The following HUNK variants were observed in gnomAD, a reference collection of about 807,000 sequenced individuals.
HUNK encodes the protein hormonally up-regulated Neu-associated kinase, also known as hormonally up-regulated neu tumor-associated kinase.
In HUNK, 21 loss-of-function variants were observed where a neutral mutation model predicts 61.0. The observed-to-expected ratio is 0.34, with a 90% CI of 0.24 to 0.50. The LOEUF is 0.50. HUNK is among the 20% of genes least tolerant of loss of function. The pLI, the probability that HUNK is intolerant of heterozygous loss-of-function variation, is 0.98. For synonymous variants in HUNK, 371 were observed against 386.1 expected (o/e 0.96, Z 0.46); for missense variants, 772 against 945.7 (o/e 0.82, Z 2.41).
chr21:31,885,687 C>G (rs192027405), intron 1 of HUNK, among the ~76,000 whole-genome samples: 199 of 152,258 alleles, frequency 1.3e-3, no homozygotes, highest in Admixed American at 2.8e-3. Flanking sequence ...CTCTTTACAT[C>G]GTCTGCCCTC....
In HUNK at chr21:31,893,272, G is replaced by T. The variant is rs549893371; in HGVS notation, c.261+19337G>T. 2.6e-5 allele frequency among the ~76,000 whole-genome samples: 4 copies of T among 152,138 alleles called. 1 individual carries two copies. The highest frequency in any genetic ancestry group is 2.0e-4 in the Admixed American group (3 of 15,266). ...GGGAGGATGAGGGGAAGGAATGTAC[G>T]GTGGTGAATAAAGCTTGTCTTGTTA... On this transcript the variant is annotated intron_variant, in intron 1 of 10. Coordinates refer to ENST00000270112, the MANE Select transcript of HUNK (RefSeq NM_014586.2).
intron 1 of HUNK, among the ~76,000 whole-genome samples, chr21:31,916,272 G>A (rs1261283433): frequency 2.0e-5 from 3 of 151,704 alleles, no homozygotes; most frequent in Non-Finnish European, 2.9e-5. Flanking sequence ...GGATGGTCTC[G>A]ATCTGCTGGC....
At chr21:31,986,163 G>T (rs2053131291) in intron 8 of HUNK, among the ~76,000 whole-genome samples, 1 of 151,864 alleles carries the variant, frequency 6.6e-6, no homozygotes, top group Non-Finnish European at 1.5e-5. Context: ...ATGAATGAAG[G>T]GGTCTTGAAT....
chr21:31,880,590 C>A (rs1243099953), intron 1 of HUNK, among the ~76,000 whole-genome samples: 1 of 152,174 alleles, frequency 6.6e-6, no homozygotes, highest in Non-Finnish European at 1.5e-5. Context: ...TCCTATGTCT[C>A]TTTATAAGGA....
chr21:31,986,363 C>T (rs2053133040), intron 8 of HUNK, among the ~76,000 whole-genome samples: 1 of 152,110 alleles, frequency 6.6e-6, no homozygotes, highest in Non-Finnish European at 1.5e-5. Flanking sequence ...CCCCTGCACT[C>T]TCTCTGTCTC....
intron 3 of HUNK, among the ~76,000 whole-genome samples, chr21:31,945,406 A>T (rs1372217553): frequency 6.6e-6 from 1 of 152,296 alleles, no homozygotes; most frequent in South Asian, 2.1e-4. Context: ...TTGCATTGCC[A>T]TCTTTCTGGT....
chr21:31,955,307 C>G (rs535558436), intron 4 of HUNK, among the ~76,000 whole-genome samples: 36 of 10,090 alleles, frequency 3.6e-3, no homozygotes, highest in African/African-American at 0.015. Context: ...AATACCAAAG[C>G]AGGGCCGGGC....
At chr21:31,962,213 C>A (rs1217825208) in intron 5 of HUNK, among the ~76,000 whole-genome samples, 1 of 152,188 alleles carries the variant, frequency 6.6e-6, no homozygotes, top group African/African-American at 2.4e-5. Context: ...GGCAGTGCAA[C>A]CTTACCATGT....
chr21:31,901,014 C>T (rs55793628), intron 1 of HUNK, among the ~76,000 whole-genome samples: 15,422 of 152,150 alleles, frequency 0.1, 1,691 homozygotes, highest in African/African-American at 0.28. Context: ...ACTGGCAGCA[C>T]GACTCCAGCC....
chr21:31,893,958 T>C (rs1672242645), intron 1 of HUNK, among the ~76,000 whole-genome samples: 1 of 152,216 alleles, frequency 6.6e-6, no homozygotes. Flanking sequence ...GGGTTGAGAA[T>C]TTTGTCTTGG....
intron 1 of HUNK, among the ~76,000 whole-genome samples, chr21:31,920,487 A>G (rs143702336): frequency 3.2e-4 from 49 of 152,294 alleles, no homozygotes; most frequent in African/African-American, 1.2e-3. Context: ...CAGAGGGTGT[A>G]ATTTTTTAGA....
At chr21:31,927,396 C>T (rs925544658) in intron 2 of HUNK, among the ~76,000 whole-genome samples, 21 of 151,952 alleles carry the variant, frequency 1.4e-4, no homozygotes, top group African/African-American at 4.1e-4. Context: ...GCAATTCCAG[C>T]ACTTTGGGAG....
chr21:31,893,798 C>T (rs1269107575), intron 1 of HUNK, among the ~76,000 whole-genome samples: 1 of 152,334 alleles, frequency 6.6e-6, no homozygotes, highest in Middle Eastern at 3.4e-3. Context: ...TGCCTCAACA[C>T]TCAGGAAAAC....
chr21:31,929,756 G>C (rs906961951), intron 2 of HUNK, among the ~76,000 whole-genome samples: 2 of 152,224 alleles, frequency 1.3e-5, no homozygotes, highest in African/African-American at 4.8e-5. Context: ...TGTCAACACC[G>C]TGGCTCCCAG....
Position 31,940,220 on chromosome 21 carries a change from G to C in HUNK, c.610G>C (p.Asp204His). 1 of 1,560,084 alleles carries C rather than the reference G, an allele frequency of 6.4e-7. No homozygotes were observed. Among genetic ancestry groups the C allele is most frequent in the Non-Finnish European group, 8.7e-7 (1 of 1,148,998 alleles). ...TGAAGACAATAATATCAAGCTGATT[G>C]GTATGACTTTTTTTTTTTTTTAAGC... ...LDEDNNIKLIDFGLSNCAGIL... is the reference protein window; with the variant it reads ...LDEDNNIKLIHFGLSNCAGIL... Residue 204 changes from aspartate to histidine, a missense_variant and splice_region_variant, in exon 3 of 11, where the codon GAC becomes CAC. Transcript: ENST00000270112.
chr21:31,883,544 T>G (rs927177942), intron 1 of HUNK, among the ~76,000 whole-genome samples: 18 of 152,204 alleles, frequency 1.2e-4, no homozygotes, highest in African/African-American at 4.3e-4. Context: ...TGATATATTT[T>G]GCAGTGTCTA....
Position 31,873,563 on chromosome 21 carries a change from G to C in HUNK, c.-112G>C, listed in dbSNP as rs1410452898. On this transcript the variant is annotated 5_prime_UTR_variant, in exon 1 of 11. Coordinates refer to ENST00000270112, the MANE Select transcript of HUNK (RefSeq NM_014586.2). The surrounding 1 kb of genome is among the most constrained non-coding windows in gnomAD (Gnocchi z 6.1). ...GGGCTCTGGGTGCGGAGACCCAGGCGGGGCTGGGCCCAGGGCGGCGGCGGG... is the reference window on the plus strand; with the variant it reads ...GGGCTCTGGGTGCGGAGACCCAGGCCGGGCTGGGCCCAGGGCGGCGGCGGG... The C allele has an allele frequency of 2.3e-6, 2 of 862,722 alleles. No homozygotes were observed. The highest frequency in any genetic ancestry group is 5.2e-5 in the South Asian group (1 of 19,242). 53.4% of individuals were successfully genotyped at this position (862,722 alleles called of 1,614,324 possible).
chr21:31,923,411 C>T (rs528869271), intron 1 of HUNK, among the ~76,000 whole-genome samples: 1 of 150,802 alleles, frequency 6.6e-6, no homozygotes, highest in Non-Finnish European at 1.5e-5. Flanking sequence ...TGTACTCCAG[C>T]CTGGGCAACA....
chr21:31,910,630 A>T (rs1488173307), intron 1 of HUNK, among the ~76,000 whole-genome samples: 6 of 152,012 alleles, frequency 3.9e-5, no homozygotes, highest in Admixed American at 6.5e-5. Flanking sequence ...CTGGGATTAC[A>T]GGCATGCGCC....
Sources: allele counts gnomAD v4.1 joint callset (sites outside exome capture counted in the v4.1 genomes callset), GRCh38; gene constraint gnomAD v4.1.1; non-coding constraint Gnocchi (gnomAD v3.1); transcripts MANE v1.5; gene names NCBI Gene and HGNC (gene_info 2026-07-23, HGNC 2026-07-21).